The following CEP95 variants were observed in gnomAD, a reference collection of about 807,000 sequenced individuals.
The protein encoded by CEP95 is centrosomal protein of 95 kDa.
CEP95 carries 98 observed loss-of-function variants against 111.2 expected under a neutral mutation model. The ratio of observed to expected loss-of-function variants is 0.88; its 90% confidence interval spans 0.75 to 1.04. The LOEUF is 1.04. CEP95 is among the 50% of genes least tolerant of loss of function. The pLI is 0.00. For synonymous variants in CEP95, 323 were observed against 327.1 expected (o/e 0.99, Z 0.14); for missense variants, 1,027 against 977.2 (o/e 1.05, Z -0.68).
At chr17:64,523,898 G>GA (rs1392270726) in intron 8 of CEP95, among the ~76,000 whole-genome samples, 3 of 151,784 alleles carry the variant, frequency 2.0e-5, no homozygotes, top group Non-Finnish European at 4.4e-5. Context: ...GTCTCAAAAA[G>GA]AAAAAAATAA....
At chr17:64,507,439 G>A in intron 1 of CEP95, 2 of 1,341,026 alleles carry the variant, frequency 1.5e-6, no homozygotes, top group Non-Finnish European at 1.9e-6. Flanking sequence ...CGCTGTCCGT[G>A]TGCCCTCCGC....
At chr17:64,515,211 T>A (rs1555676091) in intron 4 of CEP95, among the ~76,000 whole-genome samples, 1 of 152,152 alleles carries the variant, frequency 6.6e-6, no homozygotes, top group African/African-American at 2.4e-5. Context: ...AAGCTGCTTG[T>A]CATGTTGATA....
At chr17:64,514,603 AAGAT>A in intron 4 of CEP95, 1 of 414,568 alleles carries the variant, frequency 2.4e-6, no homozygotes. Flanking sequence ...TTATACTAGA[AAGAT>A]AAATTTCTGG....
At chr17:64,517,528 G>A (rs1183755731) in intron 5 of CEP95, among the ~76,000 whole-genome samples, 2 of 150,444 alleles carry the variant, frequency 1.3e-5, no homozygotes, top group Non-Finnish European at 1.5e-5. Context: ...ATATAATTTC[G>A]TTGCCTGCCC....
chr17:64,524,695 G>A (rs782798086), intron 8 of CEP95, among the ~76,000 whole-genome samples: 18 of 152,128 alleles, frequency 1.2e-4, no homozygotes, highest in Non-Finnish European at 2.6e-4. Context: ...ATAAATGGCC[G>A]GGTGCGGTGG....
At chr17:64,515,567 A>G (rs1191881140) in intron 4 of CEP95, among the ~76,000 whole-genome samples, 2 of 152,240 alleles carry the variant, frequency 1.3e-5, no homozygotes, top group East Asian at 3.9e-4. Context: ...AGATACTTTT[A>G]TGTGAGTCTG....
rs533658430 is a variant in CEP95 at position 64,525,766 on chromosome 17, A to G, written c.910-4A>G. On this transcript the variant is annotated splice_polypyrimidine_tract_variant and splice_region_variant and intron_variant, in intron 8 of 19. Coordinates refer to ENST00000556440, the MANE Select transcript of CEP95 (RefSeq NM_138363.3). Reference sequence around the variant, plus strand: ...CAAATCAACTTTTTTTCTGTTTTTAATAGGATCTAGATGATGGACTTTTCT... The same window carrying G: ...CAAATCAACTTTTTTTCTGTTTTTAGTAGGATCTAGATGATGGACTTTTCT... The G allele has an allele frequency of 2.5e-6, 4 of 1,584,748 alleles. No homozygotes were observed. The highest frequency in any genetic ancestry group is 1.4e-5 in the African/African-American group (1 of 73,742).
chr17:64,537,329 G>A, intron 19 of CEP95: 1 of 1,405,368 alleles, frequency 7.1e-7, no homozygotes, highest in South Asian at 1.7e-5. Context: ...ATCATTAAGT[G>A]ACACATGACT....
intron 4 of CEP95, among the ~76,000 whole-genome samples, chr17:64,515,127 T>G (rs2039073044): frequency 6.6e-6 from 1 of 152,236 alleles, no homozygotes; most frequent in Admixed American, 6.5e-5. Flanking sequence ...AATTGAAAAG[T>G]CTGCCACACT....
In CEP95 at chr17:64,514,091, ATTC is replaced by A. The variant is rs538258883; in HGVS notation, c.257-154_257-152del. 6.4e-3 allele frequency: 2,773 copies of A among 434,306 alleles called. 16 individuals carry two copies. The highest frequency in any genetic ancestry group is 0.014 in the Middle Eastern group (22 of 1,628). The allele number at this position is 434,306 out of a possible 1,614,324, so 26.9% of individuals were successfully genotyped here. ...TAATATTTATAATTGTTTCACCTGT[ATTC>A]TTTTTTTTATTTAATCTCCAAGGAG... On this transcript the variant is annotated intron_variant, in intron 3 of 19. Transcript: ENST00000556440.
At chr17:64,537,211 T>A (rs1968720126) in intron 19 of CEP95, 99 bp downstream of exon 19, 4 of 1,532,748 alleles carry the variant, frequency 2.6e-6, no homozygotes, top group Non-Finnish European at 3.5e-6. Flanking sequence ...GGCTGTATCA[T>A]ATAGCCCCGG....
rs1191142535 is a variant in CEP95, at chr17:64,507,761, C to CA, written c.19+646dup. On this transcript the variant is annotated intron_variant, in intron 1 of 19. Transcript: ENST00000556440. ...ATTATGTGCATGGAAAATACACTCT[C>CA]ATTCGTTTCCAGAACGTTACGTGTC... The CA allele has an allele frequency of 2.4e-5, 24 of 985,608 alleles. No homozygotes were observed. In the African/African-American group the frequency reaches 4.0e-4, roughly 16 times the overall value. The allele number at this position is 985,608 out of a possible 1,614,324, so 61.1% of individuals were successfully genotyped here.
At chr17:64,537,402 G>A (rs1276634763) in intron 19 of CEP95, 2 of 1,373,686 alleles carry the variant, frequency 1.5e-6, no homozygotes, top group Non-Finnish European at 1.9e-6. Context: ...ATGGAGAGAA[G>A]ACTAATAAGG....
At position 64,529,142 on chromosome 17, in the gene CEP95, A is replaced by G. The variant is rs2144508533; in HGVS notation, c.1307-146A>G. ...ATTTGTCTGTTTACTTGGTGTTACC[A>G]TACCAATTCAAGTTAGTTACAGGAG... On this transcript the variant is annotated intron_variant, in intron 11 of 19. Transcript: ENST00000556440. 18 of 649,234 alleles carry G rather than the reference A, an allele frequency of 2.8e-5. No homozygotes were observed. The South Asian group carries it at 3.4e-4, about 12-fold the overall frequency. 40.2% of individuals were successfully genotyped at this position (649,234 alleles called of 1,614,324 possible).
intron 19 of CEP95, 52 bp downstream of exon 19, chr17:64,537,164 C>G (rs1036023046): frequency 3.8e-6 from 6 of 1,589,130 alleles, no homozygotes; most frequent in Non-Finnish European, 4.3e-6. Flanking sequence ...ATGTTTCTTT[C>G]AGCAAGGGAC....
intron 5 of CEP95, among the ~76,000 whole-genome samples, chr17:64,518,028 C>T (rs116906834): frequency 0.04 from 6,047 of 152,066 alleles, 250 homozygotes; most frequent in Admixed American, 0.13. Flanking sequence ...AGGTGCACGC[C>T]GCCACGGCTG....
intron 7 of CEP95, 135 bp downstream of exon 7, chr17:64,521,662 T>G: frequency 2.8e-6 from 2 of 726,114 alleles, no homozygotes; most frequent in Non-Finnish European, 4.2e-6. Context: ...TTGTAAATGT[T>G]TGCTATTAAT....
chr17:64,536,470 T>A, intron 17 of CEP95, 132 bp from the exon 18 acceptor site: 1 of 593,868 alleles, frequency 1.7e-6, no homozygotes, highest in Non-Finnish European at 2.9e-6. Flanking sequence ...GTACATTTTA[T>A]GGTATGTCAA....
At chr17:64,525,963 G>A in intron 9 of CEP95, 81 bp downstream of exon 9, 20 of 1,482,542 alleles carry the variant, frequency 1.3e-5, no homozygotes, top group Non-Finnish European at 1.8e-5. Flanking sequence ...TCCAAATTTA[G>A]CTGTGAAGAC....
Sources: allele counts gnomAD v4.1 joint callset (sites outside exome capture counted in the v4.1 genomes callset), GRCh38; gene constraint gnomAD v4.1.1; transcripts MANE v1.5; gene names NCBI Gene and HGNC (gene_info 2026-07-23, HGNC 2026-07-21).